The following RBFOX1 variants were observed in gnomAD, a reference collection of about 807,000 sequenced individuals.
RBFOX1 encodes RNA binding protein fox-1 homolog 1.
In RBFOX1, 8 loss-of-function variants were observed where a neutral mutation model predicts 57.7. The ratio of observed to expected loss-of-function variants is 0.14; its 90% CI spans 0.08 to 0.25. The LOEUF is 0.25. RBFOX1 is among the 10% of genes least tolerant of loss of function. The probability of loss-of-function intolerance (pLI) is 1.00; values close to 1 mark genes in which losing one functional copy is unlikely to be tolerated. For synonymous variants in RBFOX1, 326 were observed against 222.4 expected (o/e 1.47, Z -4.15); for missense variants, 611 against 548.5 (o/e 1.11, Z -1.14).
chr16:5,436,083 G>A (rs552256778), intron 1 of RBFOX1, among the ~76,000 whole-genome samples: 1 of 152,312 alleles, frequency 6.6e-6, no homozygotes, highest in East Asian at 1.9e-4. Flanking sequence ...TGGCCTCCCA[G>A]TGGGAGCAAT....
chr16:6,163,395 T>A (rs2096893602), intron 1 of RBFOX1, among the ~76,000 whole-genome samples: 3 of 152,210 alleles, frequency 2.0e-5, no homozygotes, highest in Non-Finnish European at 4.4e-5. Flanking sequence ...CACAAAGGAA[T>A]CCTGTTTGAG....
At chr16:7,422,933 T>G (rs1427472970) in intron 4 of RBFOX1, 1 of 152,294 alleles carries the variant, frequency 6.6e-6, no homozygotes, top group African/African-American at 2.4e-5. Flanking sequence ...TCCTTTTCCC[T>G]CCTGTGGCCC....
intron 3 of RBFOX1, among the ~76,000 whole-genome samples, chr16:5,698,236 A>C (rs1391232960): frequency 6.6e-6 from 1 of 152,156 alleles, no homozygotes; most frequent in African/African-American, 2.4e-5. Flanking sequence ...TACTAAGGTA[A>C]TACTACCCCC....
At chr16:5,832,283 C>T (rs1300306236) in intron 3 of RBFOX1, among the ~76,000 whole-genome samples, 5 of 152,194 alleles carry the variant, frequency 3.3e-5, no homozygotes, top group Non-Finnish European at 5.9e-5. Context: ...TAGTTCTTTA[C>T]CCCAGCTAGT....
chr16:6,228,807 T>C (rs1320223004), intron 1 of RBFOX1, among the ~76,000 whole-genome samples: 3 of 152,186 alleles, frequency 2.0e-5, no homozygotes, highest in African/African-American at 7.2e-5. Context: ...TTAAGTGTTC[T>C]CACACAAAAC....
chr16:5,550,609 G>A (rs998553385), intron 2 of RBFOX1, among the ~76,000 whole-genome samples: 10 of 152,152 alleles, frequency 6.6e-5, no homozygotes, highest in African/African-American at 2.4e-4. Context: ...TCAATCACCA[G>A]CTTGTTATTG....
intron 3 of RBFOX1, among the ~76,000 whole-genome samples, chr16:7,049,496 A>T (rs568797361): frequency 2.0e-5 from 3 of 152,154 alleles, no homozygotes; most frequent in Admixed American, 6.5e-5. Flanking sequence ...GATTTTCCCT[A>T]TTCTCTTAGT....
chr16:7,453,421 C>T (rs948577919), intron 4 of RBFOX1, among the ~76,000 whole-genome samples: 1 of 152,056 alleles, frequency 6.6e-6, no homozygotes, highest in Non-Finnish European at 1.5e-5. Flanking sequence ...CCTACATGGT[C>T]TTGCCGGCCA....
chr16:5,330,067 A>C (rs1366901495), intron 1 of RBFOX1, among the ~76,000 whole-genome samples: 1 of 152,034 alleles, frequency 6.6e-6, no homozygotes, highest in Non-Finnish European at 1.5e-5. Context: ...GGGACCCGTG[A>C]ACTCTCTGAG....
chr16:6,295,619 C>T (rs539946659), intron 1 of RBFOX1, among the ~76,000 whole-genome samples: 60 of 152,294 alleles, frequency 3.9e-4, no homozygotes, highest in Middle Eastern at 3.4e-3. Context: ...AGCTGCAGAG[C>T]GCTGTCTGTG....
chr16:7,703,816 C>G (rs975275178), intron 14 of RBFOX1, among the ~76,000 whole-genome samples: 2 of 152,198 alleles, frequency 1.3e-5, no homozygotes, highest in Non-Finnish European at 2.9e-5. Context: ...TGAACTACAT[C>G]TGTAACTCAT....
chr16:7,060,951 G>A (rs1256779122), intron 4 of RBFOX1, among the ~76,000 whole-genome samples: 3 of 152,168 alleles, frequency 2.0e-5, no homozygotes, highest in Non-Finnish European at 4.4e-5. Context: ...CAGGTAGGTG[G>A]TGACTTACAG....
chr16:6,906,491 TA>T lies in RBFOX1; in HGVS notation c.-15-145558del, dbSNP rs897926886. The stretch of plus-strand genomic sequence containing the variant: ...TAATTTGAAATAAGAGTGTATGCAT[TA>T]AAAAAAAGTGAGTTTATATAACCGC... On this transcript the variant is annotated intron_variant, in intron 3 of 15. Coordinates refer to ENST00000550418, the MANE Select transcript of RBFOX1 (RefSeq NM_018723.4). Among the ~76,000 whole-genome samples the T allele has an allele frequency of 1.9e-4, 29 of 151,966 alleles. 1 individual carries two copies. Among genetic ancestry groups the T allele is most frequent in the African/African-American group, 2.4e-4 (10 of 41,482 alleles).
intron 4 of RBFOX1, among the ~76,000 whole-genome samples, chr16:5,962,201 T>A (rs939628580): frequency 1.3e-5 from 2 of 152,214 alleles, no homozygotes; most frequent in Admixed American, 1.3e-4. Context: ...CAAAACATAG[T>A]CACATTCACT....
At chr16:7,289,474 A>G (rs2095716849) in intron 4 of RBFOX1, among the ~76,000 whole-genome samples, 1 of 152,090 alleles carries the variant, frequency 6.6e-6, no homozygotes, top group African/African-American at 2.4e-5. Flanking sequence ...CACTGTCACC[A>G]CCATTATGAT....
At position 6,364,937 on chromosome 16, in the gene RBFOX1, G is replaced by A. The variant is rs776179302; in HGVS notation, c.-64+47880G>A. On this transcript the variant is annotated intron_variant, in intron 2 of 15. Coordinates refer to ENST00000550418, the MANE Select transcript of RBFOX1 (RefSeq NM_018723.4). ...TTACGATATTCACCCAATTCAGAGC[G>A]CCCTACTTCTGTTCAAAACTGTGAT... 1.1e-4 allele frequency among the ~76,000 whole-genome samples: 16 copies of A among 152,134 alleles called. 1 individual carries two copies. Among genetic ancestry groups the A allele is most frequent in the South Asian group, 6.2e-4 (3 of 4,802 alleles).
At chr16:6,981,009 C>G (rs545200952) in intron 3 of RBFOX1, among the ~76,000 whole-genome samples, 6 of 118,176 alleles carry the variant, frequency 5.1e-5, no homozygotes, top group Middle Eastern at 5.3e-3. Flanking sequence ...CGCCACTGCA[C>G]TCCAGCCTGG....
chr16:6,639,166 G>GTGCGC (rs1567994635), intron 2 of RBFOX1, among the ~76,000 whole-genome samples: 2 of 152,168 alleles, frequency 1.3e-5, no homozygotes, highest in East Asian at 3.8e-4. Context: ...TTCAAATCAT[G>GTGCGC]TGCGCTAGCT....
At chr16:7,309,748 A>G (rs2096268760) in intron 4 of RBFOX1, among the ~76,000 whole-genome samples, 1 of 152,188 alleles carries the variant, frequency 6.6e-6, no homozygotes. Flanking sequence ...GTCCTGTGGA[A>G]GGGAACGAAA....
Sources: gnomAD v4.1 joint callset for allele counts (sites outside exome capture counted in the v4.1 genomes callset) on GRCh38, gnomAD v4.1.1 for gene constraint, MANE v1.5 for transcripts, NCBI Gene and HGNC (gene_info 2026-07-23, HGNC 2026-07-21) for gene names.